RIC1: variants seen among roughly 807,000 people sequenced by gnomAD.
The protein encoded by RIC1 is guanine nucleotide exchange factor subunit RIC1.
Under a neutral mutation model 169.0 loss-of-function variants are expected in RIC1, and 88 were observed. The ratio of observed to expected loss-of-function variants is 0.52; its 90% confidence interval spans 0.44 to 0.62. The LOEUF (loss-of-function observed/expected upper bound fraction) is 0.62, where lower values mean the gene tolerates loss of function less well. Ranked by LOEUF, RIC1 falls within the 20% of genes least tolerant of loss-of-function variation. The pLI is 0.00. For missense variants in RIC1, 1,877 were observed against 1,725.5 expected (o/e 1.09, Z -1.56); for synonymous variants, 790 against 601.5 (o/e 1.31, Z -4.59).
At chr9:5,764,818 C>T (rs951195401) in intron 19 of RIC1, among the ~76,000 whole-genome samples, 1 of 152,206 alleles carries the variant, frequency 6.6e-6, no homozygotes, top group African/African-American at 2.4e-5. Flanking sequence ...TTTTCTGCAA[C>T]AGAATTCCTA....
At chr9:5,717,295 ACT>A (rs1191155421) in intron 4 of RIC1, among the ~76,000 whole-genome samples, 2 of 152,034 alleles carry the variant, frequency 1.3e-5, no homozygotes, top group Non-Finnish European at 2.9e-5. Flanking sequence ...CTGGAGGATA[ACT>A]CTGTTGTATA....
intron 2 of RIC1, among the ~76,000 whole-genome samples, chr9:5,688,246 T>C (rs1418307730): frequency 1.3e-5 from 2 of 152,238 alleles, no homozygotes; most frequent in Admixed American, 6.5e-5. Flanking sequence ...CTCTTCAGCT[T>C]CTTCTCAACT....
At chr9:5,637,668 T>C (rs1330245947) in intron 1 of RIC1, among the ~76,000 whole-genome samples, 2 of 152,198 alleles carry the variant, frequency 1.3e-5, no homozygotes, top group Non-Finnish European at 2.9e-5. Flanking sequence ...ATTAGTTCAA[T>C]TGTTTTGATT....
chr9:5,689,959 A>G lies in RIC1; in HGVS notation c.253A>G (p.Thr85Ala), dbSNP rs773005539. ...RPDSTMIAVS[T>A]ANGYILFFHI... is the part of the protein sequence containing the mutation. ...ATGATTAATAAAATTTCTCTTTCAGACGGCAAATGGATACATCTTGTTTTT... is the reference window on the plus strand; with the variant it reads ...ATGATTAATAAAATTTCTCTTTCAGGCGGCAAATGGATACATCTTGTTTTT... Residue 85 changes from threonine (T) to alanine (A), a missense_variant and splice_region_variant, in exon 3 of 26, where the codon ACG becomes GCG. Thr to Ala is a moderately conservative substitution (Grantham distance 58). This residue lies in a region of RIC1 where 1,104 missense variants were observed against 992.0 expected (regional missense o/e 1.11). Transcript: ENST00000414202. 3.8e-6 allele frequency: 6 copies of G among 1,584,790 alleles called. No individual in the cohort carries two copies. In the South Asian group the frequency reaches 6.9e-5, roughly 18 times the overall value.
intron 6 of RIC1, among the ~76,000 whole-genome samples, chr9:5,732,148 A>G (rs1302060046): frequency 6.6e-6 from 1 of 152,216 alleles, no homozygotes; most frequent in Non-Finnish European, 1.5e-5. Context: ...TAAATTAACT[A>G]GCACTGGACT....
At chr9:5,743,398 G>C (rs186670852) in intron 9 of RIC1, among the ~76,000 whole-genome samples, 14 of 152,200 alleles carry the variant, frequency 9.2e-5, no homozygotes, top group Admixed American at 7.9e-4. Context: ...GATAGGAGTA[G>C]GTTGGTATCT....
rs567230275 is a variant in RIC1 at position 5,722,556 on chromosome 9, A to G, written c.720+1806A>G. On this transcript the variant is annotated intron_variant, in intron 6 of 25. Coordinates refer to ENST00000414202, the MANE Select transcript of RIC1 (RefSeq NM_020829.4). ...TGTGATATCAGAGATCCCTTTCTAA[A>G]TCTATCTTTTTATTTACTTTTTTAA... Among the ~76,000 whole-genome samples the G allele has an allele frequency of 7.2e-5, 11 of 152,028 alleles. No homozygotes were observed. The South Asian group carries it at 2.1e-3, about 29-fold the overall frequency.
At chr9:5,746,887 A>T (rs1391583232) in intron 11 of RIC1, among the ~76,000 whole-genome samples, 1 of 152,202 alleles carries the variant, frequency 6.6e-6, no homozygotes, top group African/African-American at 2.4e-5. Context: ...CCACTTGAAG[A>T]CTAAGGATCC....
chr9:5,749,377 A>T (rs1825587337), intron 12 of RIC1, among the ~76,000 whole-genome samples: 1 of 152,156 alleles, frequency 6.6e-6, no homozygotes, highest in Non-Finnish European at 1.5e-5. Context: ...TGTCTATATA[A>T]TGCTAAACTT....
chr9:5,657,168 C>T (rs890106952), intron 2 of RIC1, among the ~76,000 whole-genome samples: 5 of 151,956 alleles, frequency 3.3e-5, no homozygotes, highest in Non-Finnish European at 5.9e-5. Context: ...ATTTAAATTC[C>T]TCCCTTCCAT....
Position 5,742,851 on chromosome 9 carries a change from C to T in RIC1, c.902-18C>T. The T allele has an allele frequency of 1.3e-6, 2 of 1,551,050 alleles. No homozygotes were observed. The highest frequency in any genetic ancestry group is 4.9e-5 in the East Asian group (2 of 41,040). ...AAGCAACTATTTATTTTTAACTCTT[C>T]TCACTATTTCCTAACAGACATTTGG... On this transcript the variant is annotated intron_variant, in intron 8 of 25. Transcript: ENST00000414202.
intron 1 of RIC1, among the ~76,000 whole-genome samples, chr9:5,643,674 AT>A (rs1818362226): frequency 6.6e-6 from 1 of 152,120 alleles, no homozygotes; most frequent in African/African-American, 2.4e-5. Flanking sequence ...TTGAAAAAAG[AT>A]TTTTTTCCTA....
chr9:5,777,365 A>C (rs1827645176), downstream of RIC1, among the ~76,000 whole-genome samples: 2 of 151,604 alleles, frequency 1.3e-5, no homozygotes, highest in African/African-American at 4.8e-5. Flanking sequence ...AATTCCACAC[A>C]AAATGGAAGA....
chr9:5,665,305 G>A (rs1204358962), intron 2 of RIC1, among the ~76,000 whole-genome samples: 3 of 152,204 alleles, frequency 2.0e-5, no homozygotes, highest in Non-Finnish European at 4.4e-5. Context: ...GGGAGTCTAA[G>A]TCTCTTTGAA....
At chr9:5,735,064 A>G (rs951350322) in intron 7 of RIC1, among the ~76,000 whole-genome samples, 2 of 152,136 alleles carry the variant, frequency 1.3e-5, no homozygotes, top group African/African-American at 4.8e-5. Context: ...TTCATTAATA[A>G]TATTTGGTTA....
chr9:5,693,909 T>TA (rs3839888), intron 3 of RIC1, among the ~76,000 whole-genome samples: 2,262 of 146,656 alleles, frequency 0.015, 25 homozygotes, highest in East Asian at 0.075. Flanking sequence ...TGAGTTTCTT[T>TA]AAAAAAAAAA....
chr9:5,654,934 G>A (rs1470702039), intron 1 of RIC1, among the ~76,000 whole-genome samples: 1 of 152,070 alleles, frequency 6.6e-6, no homozygotes, highest in Non-Finnish European at 1.5e-5. Context: ...TATTAATCTT[G>A]GATCCTGTAA....
intron 1 of RIC1, among the ~76,000 whole-genome samples, chr9:5,655,206 CTTT>C (rs1010709422): frequency 1.3e-5 from 2 of 152,198 alleles, no homozygotes; most frequent in African/African-American, 4.8e-5. Context: ...CATAGATCTT[CTTT>C]ATCACGTTGA....
At chr9:5,771,814 C>A (rs569856612) in intron 23 of RIC1, among the ~76,000 whole-genome samples, 1 of 152,276 alleles carries the variant, frequency 6.6e-6, no homozygotes, top group East Asian at 1.9e-4. Context: ...CTCCCTCCCC[C>A]ATGTGGCCGT....
Sources: gnomAD v4.1 joint callset for allele counts (sites outside exome capture counted in the v4.1 genomes callset) on GRCh38, gnomAD v4.1.1 for gene constraint, gnomAD v4.1.1 regional missense constraint, MANE v1.5 for transcripts, NCBI Gene and HGNC (gene_info 2026-07-23, HGNC 2026-07-21) for gene names.